The following ANKRD36 variants were observed in gnomAD, a reference collection of about 807,000 sequenced individuals.
ANKRD36 encodes the protein ankyrin repeat domain-containing protein 36A.
A neutral mutation model predicts 278.1 loss-of-function variants in ANKRD36; 179 were observed. The observed-to-expected ratio is 0.64, with a 90% CI of 0.57 to 0.73. ANKRD36 has a LOEUF of 0.73. Ranked by LOEUF, ANKRD36 falls within the 30% of genes least tolerant of loss-of-function variation. ANKRD36 has a pLI of 0.00. For missense variants in ANKRD36, 1,159 were observed against 1,956.7 expected (o/e 0.59, Z 7.69); for synonymous variants, 320 against 641.1 (o/e 0.50, Z 7.57).
intron 22 of ANKRD36, among the ~76,000 whole-genome samples, chr2:97,170,599 C>T (rs2052170542): frequency 6.6e-6 from 1 of 151,924 alleles, no homozygotes; most frequent in East Asian, 1.9e-4. Context: ...CATAAAAGCC[C>T]TAGAAGAAAA....
chr2:97,222,775 TTA>T (rs1330705735), intron 66 of ANKRD36, among the ~76,000 whole-genome samples: 3 of 152,106 alleles, frequency 2.0e-5, no homozygotes, highest in African/African-American at 7.2e-5. Context: ...TGGGAATAAT[TTA>T]TGAGAGCTAT....
intron 12 of ANKRD36, among the ~76,000 whole-genome samples, chr2:97,150,484 G>A (rs541859493): frequency 6.6e-6 from 1 of 152,392 alleles, no homozygotes; most frequent in Non-Finnish European, 1.5e-5. Context: ...TCAACAAACA[G>A]GTAAATGGGC....
At chr2:97,121,821 G>A (rs13035412) in intron 3 of ANKRD36, among the ~76,000 whole-genome samples, 88,895 of 151,044 alleles carry the variant, frequency 0.59, 30,374 homozygotes, top group Non-Finnish European at 0.78. Context: ...AATACAAATA[G>A]ATTTTTAAAG....
intron 22 of ANKRD36, among the ~76,000 whole-genome samples, chr2:97,173,741 G>A (rs1416134936): frequency 6.6e-6 from 1 of 151,786 alleles, no homozygotes; most frequent in Non-Finnish European, 1.5e-5. Context: ...GAGGAGACTT[G>A]TGGGAAGTCG....
At chr2:97,206,724 T>G (rs916392161) in intron 52 of ANKRD36, among the ~76,000 whole-genome samples, 16 of 151,614 alleles carry the variant, frequency 1.1e-4, no homozygotes, top group Middle Eastern at 3.4e-3. Context: ...TTTGGCTGCT[T>G]CAGGAACTGC....
chr2:97,149,099 TAACTG>T (rs985986693), intron 11 of ANKRD36, among the ~76,000 whole-genome samples, 191 bp from the exon 12 acceptor site: 42 of 151,960 alleles, frequency 2.8e-4, no homozygotes, highest in African/African-American at 9.4e-4. Context: ...CAGAAATAGG[TAACTG>T]AAATGTTTTC....
intron 22 of ANKRD36, among the ~76,000 whole-genome samples, chr2:97,172,463 A>T (rs2052868162): frequency 6.6e-6 from 1 of 151,924 alleles, no homozygotes; most frequent in African/African-American, 2.4e-5. Context: ...GCTTTTATTG[A>T]TTTGTACTAT....
chr2:97,136,533 T>G (rs994306378), intron 6 of ANKRD36, among the ~76,000 whole-genome samples: 5 of 151,950 alleles, frequency 3.3e-5, no homozygotes, highest in African/African-American at 1.2e-4. Context: ...GGAATAGCCT[T>G]GTGGTACTGA....
chr2:97,242,332 A>G (rs1381961280), intron 69 of ANKRD36, among the ~76,000 whole-genome samples: 2 of 151,966 alleles, frequency 1.3e-5, no homozygotes, highest in Non-Finnish European at 2.9e-5. Flanking sequence ...CTTAATATGC[A>G]GGGAATGAAA....
intron 18 of ANKRD36, among the ~76,000 whole-genome samples, chr2:97,162,403 ATAATT>A (rs1231640901): frequency 6.6e-6 from 1 of 150,496 alleles, no homozygotes; most frequent in East Asian, 1.9e-4. Flanking sequence ...AATAGTAAAT[ATAATT>A]TAATTTAAAC....
chr2:97,216,663 A>T (rs1292759919), intron 62 of ANKRD36: 9 of 266,160 alleles, frequency 3.4e-5, no homozygotes, highest in Non-Finnish European at 5.5e-5. Flanking sequence ...TCAATTTAGG[A>T]CACTTCCACT....
chr2:97,227,950 G>A (rs538590333), intron 67 of ANKRD36, among the ~76,000 whole-genome samples: 10,408 of 151,732 alleles, frequency 0.069, 517 homozygotes, highest in Middle Eastern at 0.17. Context: ...ATTTATTTGC[G>A]TATATTGAAC....
At chr2:97,191,533 C>G (rs143606110) in intron 36 of ANKRD36, among the ~76,000 whole-genome samples, 93 of 151,706 alleles carry the variant, frequency 6.1e-4, no homozygotes, top group African/African-American at 2.2e-3. Context: ...AACGTCACAT[C>G]GTACTGCTAA....
rs796371941 is a variant in ANKRD36, at chr2:97,243,184, T to C, written c.4308-662T>C. Among the ~76,000 whole-genome samples, 60 of 141,498 alleles carry C rather than the reference T, an allele frequency of 4.2e-4. 1 individual carries two copies. Among genetic ancestry groups the C allele is most frequent in the South Asian group, 7.0e-4 (3 of 4,256 alleles). 92.8% of individuals were successfully genotyped at this position (141,498 alleles called of 152,430 possible). On this transcript the variant is annotated intron_variant, in intron 69 of 75. Coordinates refer to ENST00000420699, the MANE Select transcript of ANKRD36 (RefSeq NM_001354587.1). Reference sequence around the variant, plus strand: ...GAACATGTGCCCGAGGTGGTCGGGGTGCAGCTTGGTTTTATACATTTTAGA... The same window carrying C: ...GAACATGTGCCCGAGGTGGTCGGGGCGCAGCTTGGTTTTATACATTTTAGA...
chr2:97,194,983 A>G, intron 40 of ANKRD36, 66 bp downstream of exon 40: 1 of 1,524,324 alleles, frequency 6.6e-7, no homozygotes, highest in Non-Finnish European at 8.8e-7. Flanking sequence ...CCCCGAATAA[A>G]TCAGTGGGGG....
intron 67 of ANKRD36, among the ~76,000 whole-genome samples, chr2:97,227,851 G>A (rs2070422260): frequency 6.6e-6 from 1 of 152,120 alleles, no homozygotes; most frequent in South Asian, 2.1e-4. Flanking sequence ...ATGAAGCGTT[G>A]TTGAATTTTG....
intron 64 of ANKRD36, 55 bp downstream of exon 64, chr2:97,217,427 C>A: frequency 6.5e-7 from 1 of 1,547,974 alleles, no homozygotes; most frequent in Non-Finnish European, 8.7e-7. Context: ...AAGACAACAT[C>A]CCACCCCTGA....
At position 97,113,343 on chromosome 2, in the gene ANKRD36, G is replaced by A. The variant is rs58302585; in HGVS notation, c.-397G>A. On this transcript the variant is annotated 5_prime_UTR_variant, in exon 1 of 76. Coordinates refer to ENST00000420699, the MANE Select transcript of ANKRD36 (RefSeq NM_001354587.1). ...CACTCAACCCCATCCCTGGGCTGCA[G>A]AGGGCCCAGCGCGGGGGACTCCGAG... 1.3e-5 allele frequency among the ~76,000 whole-genome samples: 2 copies of A among 152,186 alleles called. No individual in the cohort carries two copies. The highest frequency in any genetic ancestry group is 4.8e-5 in the African/African-American group (2 of 41,472).
chr2:97,230,438 G>A (rs1311012943), intron 67 of ANKRD36, among the ~76,000 whole-genome samples: 3 of 152,050 alleles, frequency 2.0e-5, no homozygotes, highest in African/African-American at 4.8e-5. Flanking sequence ...ATCGGCTCCT[G>A]AGGCTTCTGC....
Sources: gnomAD v4.1 joint callset for allele counts (sites outside exome capture counted in the v4.1 genomes callset) on GRCh38, gnomAD v4.1.1 for gene constraint, MANE v1.5 for transcripts, NCBI Gene and HGNC (gene_info 2026-07-23, HGNC 2026-07-21) for gene names.